Variants in MAGI1 observed in about 807,000 individuals in gnomAD.
MAGI1 encodes membrane associated guanylate kinase, WW and PDZ domain containing 1.
MAGI1 carries 58 observed loss-of-function variants against 139.9 expected under a neutral mutation model. The observed-to-expected ratio is 0.41, with a 90% CI of 0.34 to 0.52. The LOEUF is 0.52. Among genes scored for constraint, MAGI1 ranks in the 20% least tolerant of loss-of-function variants. The pLI is 0.12. For synonymous variants in MAGI1, 812 were observed against 737.9 expected (o/e 1.10, Z -1.63); for missense variants, 1,874 against 1,901.6 (o/e 0.99, Z 0.27).
intron 1 of MAGI1, among the ~76,000 whole-genome samples, chr3:65,871,991 T>C (rs1005059892): frequency 6.6e-6 from 1 of 152,172 alleles, no homozygotes; most frequent in African/African-American, 2.4e-5. Context: ...CTGCAGTCAA[T>C]ACACTGGTGT....
rs573637761 is a variant in MAGI1, at chr3:65,934,393, C to G, written c.313+103603G>C. On this transcript the variant is annotated intron_variant, in intron 1 of 22. Coordinates refer to ENST00000402939, the MANE Select transcript of MAGI1 (RefSeq NM_001033057.2). ...ATTATAGGCATGATTCTAAATACAA[C>G]AGAGGTTCAGAAAAAGAAGAAACAA... is the stretch of plus-strand genomic sequence containing the variant. Among the ~76,000 whole-genome samples the G allele has an allele frequency of 2.0e-5, 3 of 151,966 alleles. No individual in the cohort carries two copies. In the South Asian group the frequency reaches 6.3e-4, roughly 32 times the overall value.
At chr3:65,989,728 G>C (rs899527228) in intron 1 of MAGI1, among the ~76,000 whole-genome samples, 1 of 152,086 alleles carries the variant, frequency 6.6e-6, no homozygotes, top group Non-Finnish European at 1.5e-5. Context: ...GGTAGAGACA[G>C]GGTTTTGCCA....
chr3:65,675,934 T>C (rs1233123540), intron 1 of MAGI1, among the ~76,000 whole-genome samples: 1 of 152,236 alleles, frequency 6.6e-6, no homozygotes, highest in African/African-American at 2.4e-5. Context: ...AAGATAATTA[T>C]GGCAGGACTC....
chr3:65,649,108 G>C (rs1046730744), intron 1 of MAGI1, among the ~76,000 whole-genome samples: 1 of 152,082 alleles, frequency 6.6e-6, no homozygotes. Context: ...GAAAAATGAA[G>C]TACACCTGTA....
rs959162819 is a variant in MAGI1 at position 65,730,051 on chromosome 3, GTCTT to G, written c.314-107967_314-107964del. On this transcript the variant is annotated intron_variant, in intron 1 of 22. Transcript: ENST00000402939. ...AGTCTAATTACATTTCTCAGCATCT[GTCTT>G]TCTTTCCAGGCCAAAAGAAAATATT... 3.3e-5 allele frequency among the ~76,000 whole-genome samples: 5 copies of G among 152,296 alleles called. No homozygotes were observed. The East Asian group carries it at 9.6e-4, about 29-fold the overall frequency.
chr3:65,427,822 C>T (rs941213644), intron 12 of MAGI1, among the ~76,000 whole-genome samples: 1 of 152,098 alleles, frequency 6.6e-6, no homozygotes, highest in South Asian at 2.1e-4. Flanking sequence ...TCTATAAGTG[C>T]CAGGTTTCAT....
chr3:65,897,139 T>C (rs2061003404), intron 1 of MAGI1, among the ~76,000 whole-genome samples: 1 of 152,238 alleles, frequency 6.6e-6, no homozygotes, highest in African/African-American at 2.4e-5. Flanking sequence ...ATTTGTACTA[T>C]ATTTAGTACA....
At chr3:65,455,492 C>G (rs941665281) in intron 5 of MAGI1, among the ~76,000 whole-genome samples, 1 of 152,136 alleles carries the variant, frequency 6.6e-6, no homozygotes, top group Non-Finnish European at 1.5e-5. Context: ...AGGTGGATTG[C>G]TTGAGCTCAG....
intron 5 of MAGI1, among the ~76,000 whole-genome samples, chr3:65,459,104 T>C (rs979395481): frequency 6.6e-6 from 1 of 152,208 alleles, no homozygotes; most frequent in Non-Finnish European, 1.5e-5. Context: ...CTAAAATGAG[T>C]TCACCGTAGA....
chr3:65,972,622 A>T (rs1408234910), intron 1 of MAGI1, among the ~76,000 whole-genome samples: 1 of 152,132 alleles, frequency 6.6e-6, no homozygotes, highest in African/African-American at 2.4e-5. Flanking sequence ...TAAAATCATT[A>T]TGATCCCCCC....
At chr3:65,923,031 G>C (rs1256804209) in intron 1 of MAGI1, among the ~76,000 whole-genome samples, 1 of 152,072 alleles carries the variant, frequency 6.6e-6, no homozygotes, top group African/African-American at 2.4e-5. Context: ...GCTTCCCTTA[G>C]GGCTTAGAAG....
At chr3:65,796,003 A>T (rs2040112964) in intron 1 of MAGI1, among the ~76,000 whole-genome samples, 1 of 149,028 alleles carries the variant, frequency 6.7e-6, no homozygotes, top group East Asian at 2.0e-4. Context: ...GTGAGCAGAG[A>T]TCGTGCCACT....
intron 1 of MAGI1, among the ~76,000 whole-genome samples, chr3:65,928,860 T>C (rs751747168): frequency 6.6e-6 from 1 of 152,184 alleles, no homozygotes; most frequent in Non-Finnish European, 1.5e-5. Context: ...ACCTTCTCTG[T>C]ACTTCAAAAG....
intron 1 of MAGI1, among the ~76,000 whole-genome samples, chr3:65,759,304 T>C (rs1256025361): frequency 6.6e-6 from 1 of 152,152 alleles, no homozygotes; most frequent in East Asian, 1.9e-4. Context: ...ATGGATGTCA[T>C]TTAACCCGCC....
intron 1 of MAGI1, among the ~76,000 whole-genome samples, chr3:65,847,843 T>C (rs2059059777): frequency 6.6e-6 from 1 of 152,226 alleles, no homozygotes; most frequent in Admixed American, 6.5e-5. Flanking sequence ...GGAATTTGTC[T>C]CACGTCACAG....
intron 22 of MAGI1, chr3:65,360,693 G>A (rs1940756353): frequency 7.1e-6 from 7 of 987,526 alleles, no homozygotes; most frequent in Non-Finnish European, 8.4e-6. Context: ...TTGGGGGATG[G>A]AGAAGTGTTG....
chr3:65,663,654 C>T (rs1461195669), intron 1 of MAGI1, among the ~76,000 whole-genome samples: 1 of 152,178 alleles, frequency 6.6e-6, no homozygotes, highest in African/African-American at 2.4e-5. Flanking sequence ...AGTGAGCAAG[C>T]CACAGTGGCA....
intron 18 of MAGI1, among the ~76,000 whole-genome samples, chr3:65,369,628 C>A (rs1941786802): frequency 6.6e-6 from 1 of 152,050 alleles, no homozygotes; most frequent in Non-Finnish European, 1.5e-5. Flanking sequence ...TGTGCCTCAG[C>A]CTCCCAAGTA....
chr3:65,729,684 C>A (rs1328043791), intron 1 of MAGI1, among the ~76,000 whole-genome samples: 2 of 152,152 alleles, frequency 1.3e-5, no homozygotes, highest in East Asian at 3.9e-4. Context: ...AGCTCCCCAT[C>A]GCTAATGAAA....
Sources: allele counts gnomAD v4.1 joint callset (sites outside exome capture counted in the v4.1 genomes callset), GRCh38; gene constraint gnomAD v4.1.1; transcripts MANE v1.5; gene names NCBI Gene and HGNC (gene_info 2026-07-23, HGNC 2026-07-21).